SCHIP1: variants seen among roughly 807,000 people sequenced by gnomAD.
SCHIP1 encodes schwannomin-interacting protein 1.
A neutral mutation model predicts 29.7 loss-of-function variants in SCHIP1; 8 were observed. The ratio of observed to expected loss-of-function variants is 0.27; its 90% CI spans 0.16 to 0.49. SCHIP1 has a LOEUF of 0.49. SCHIP1 is among the 20% of genes least tolerant of loss of function. The pLI, the probability that SCHIP1 is intolerant of heterozygous loss-of-function variation, is 0.99. For synonymous variants in SCHIP1, 76 were observed against 94.9 expected, an observed-to-expected ratio of 0.80 and a Z score of 1.16; for missense variants, 193 against 294.6, an observed-to-expected ratio of 0.66 and a Z score of 2.52.
the SCHIP1 span, among the ~76,000 whole-genome samples, chr3:159,341,517 G>T: frequency 6.6e-6 from 1 of 152,090 alleles, no homozygotes; most frequent in African/African-American, 2.4e-5. Context: ...TGGGATTCCT[G>T]AGGGTACCAT....
chr3:159,520,247 T>C, the SCHIP1 span, among the ~76,000 whole-genome samples: 1 of 152,038 alleles, frequency 6.6e-6, no homozygotes, highest in Non-Finnish European at 1.5e-5. Context: ...TAAGGATTTA[T>C]GAGGAGGTGA....
chr3:159,892,920 G>C lies in SCHIP1; in HGVS notation c.683+730G>C, dbSNP rs530631494. ...GCATCTTTTCTGAGACAGTCCATATGGAATCTTTAAACCAACAGACAGTAA... is the reference window on the plus strand; with the variant it reads ...GCATCTTTTCTGAGACAGTCCATATCGAATCTTTAAACCAACAGACAGTAA... On this transcript the variant is annotated intron_variant, in intron 6 of 6. Coordinates refer to ENST00000445224, the Ensembl canonical transcript of SCHIP1. The C allele has an allele frequency of 3.9e-5, 6 of 152,296 alleles. No individual in the cohort carries two copies. In the East Asian group the frequency reaches 9.6e-4, roughly 24 times the overall value. 9.4% of individuals were successfully genotyped at this position (152,296 alleles called of 1,614,324 possible).
chr3:159,888,672 C>T, intron 4 of SCHIP1, 148 bp from the exon 6 acceptor site: 2 of 1,209,056 alleles, frequency 1.7e-6, no homozygotes, highest in Admixed American at 2.6e-5. Context: ...TAGGGCCCCA[C>T]ATTGGGAAAG....
chr3:159,771,512 C>A, the SCHIP1 span, among the ~76,000 whole-genome samples: 3 of 152,036 alleles, frequency 2.0e-5, no homozygotes, highest in Non-Finnish European at 4.4e-5. Context: ...TGGAAATTAC[C>A]AGGGTGAAAT....
At chr3:159,406,752 A>T in the SCHIP1 span, among the ~76,000 whole-genome samples, 1 of 152,208 alleles carries the variant, frequency 6.6e-6, no homozygotes, top group African/African-American at 2.4e-5. Flanking sequence ...GGGGGGACAA[A>T]GTTAAAGTGT....
the SCHIP1 span, among the ~76,000 whole-genome samples, chr3:159,350,385 A>G: frequency 1.3e-5 from 2 of 152,192 alleles, no homozygotes; most frequent in African/African-American, 4.8e-5. Context: ...TGCAAAAAAT[A>G]AGAGATTGTA....
chr3:159,377,351 T>C, the SCHIP1 span, among the ~76,000 whole-genome samples: 1 of 152,228 alleles, frequency 6.6e-6, no homozygotes, highest in Non-Finnish European at 1.5e-5. Flanking sequence ...TCCAAGTGCT[T>C]TCTTCATGGA....
chr3:159,688,307 T>C, the SCHIP1 span, among the ~76,000 whole-genome samples: 1 of 152,170 alleles, frequency 6.6e-6, no homozygotes, highest in African/African-American at 2.4e-5. Context: ...CAGGCGTGAA[T>C]TTGTATCTCA....
the SCHIP1 span, among the ~76,000 whole-genome samples, chr3:159,735,387 G>A: frequency 5.9e-5 from 9 of 151,946 alleles, no homozygotes; most frequent in Non-Finnish European, 1.0e-4. Context: ...CCGTCATCAT[G>A]CCTGGCTAAT....
chr3:159,660,000 G>A, the SCHIP1 span, among the ~76,000 whole-genome samples: 1 of 152,128 alleles, frequency 6.6e-6, no homozygotes, highest in Non-Finnish European at 1.5e-5. Context: ...TCATTCTGAG[G>A]GGATTATATT....
the SCHIP1 span, among the ~76,000 whole-genome samples, chr3:159,451,122 T>C: frequency 1.3e-5 from 2 of 152,178 alleles, no homozygotes; most frequent in Admixed American, 6.5e-5. Context: ...TTAGTATTCT[T>C]GTAATGACTA....
chr3:159,303,390 G>A, the SCHIP1 span, among the ~76,000 whole-genome samples: 641 of 151,932 alleles, frequency 4.2e-3, 4 homozygotes, highest in African/African-American at 0.015. Context: ...TAGGGAAAAG[G>A]TTGGAGCCCT....
chr3:159,694,605 A>AAAGAAAGAAAGG, the SCHIP1 span, among the ~76,000 whole-genome samples: 19 of 137,116 alleles, frequency 1.4e-4, no homozygotes, highest in African/African-American at 4.4e-4. Flanking sequence ...AGAAAGAAAG[A>AAAGAAAGAAAGG]AAGGAATTAT....
chr3:159,553,497 G>T, the SCHIP1 span, among the ~76,000 whole-genome samples: 12 of 152,148 alleles, frequency 7.9e-5, no homozygotes, highest in Non-Finnish European at 1.2e-4. Flanking sequence ...TACTCTAGAA[G>T]AAAAACAAAT....
the SCHIP1 span, among the ~76,000 whole-genome samples, chr3:159,356,572 G>A: frequency 6.6e-6 from 1 of 152,170 alleles, no homozygotes; most frequent in South Asian, 2.1e-4. Flanking sequence ...GAAGAAAATA[G>A]TCATGAGAAC....
At chr3:159,311,248 A>G in the SCHIP1 span, among the ~76,000 whole-genome samples, 1 of 152,154 alleles carries the variant, frequency 6.6e-6, no homozygotes, top group Non-Finnish European at 1.5e-5. Context: ...GCTATCTCTA[A>G]GGAGTGTGAA....
chr3:159,680,239 G>T, the SCHIP1 span, among the ~76,000 whole-genome samples: 1 of 151,766 alleles, frequency 6.6e-6, no homozygotes, highest in Non-Finnish European at 1.5e-5. Context: ...GGCCAGGCGC[G>T]GTGGCTAACG....
the SCHIP1 span, among the ~76,000 whole-genome samples, chr3:159,460,006 T>C: frequency 6.6e-6 from 1 of 152,194 alleles, no homozygotes; most frequent in African/African-American, 2.4e-5. Context: ...CAGTCTGTAG[T>C]CCTGTGTTAT....
the SCHIP1 span, among the ~76,000 whole-genome samples, chr3:159,684,528 G>A: frequency 3.3e-5 from 5 of 152,010 alleles, no homozygotes; most frequent in Non-Finnish European, 5.9e-5. Context: ...ATCCTCTGCC[G>A]GGTGTGGTGG....
Sources: gnomAD v4.1 joint callset for allele counts (sites outside exome capture counted in the v4.1 genomes callset) on GRCh38, gnomAD v4.1.1 for gene constraint, MANE v1.5 for transcripts, NCBI Gene and HGNC (gene_info 2026-07-23, HGNC 2026-07-21) for gene names.